DCAF8L2: variants seen among roughly 807,000 people sequenced by gnomAD.
DCAF8L2 encodes the protein DDB1 and CUL4 associated factor 8 like 2.
For synonymous variants in DCAF8L2, 200 were observed against 190.9 expected, an observed-to-expected ratio of 1.05 and a Z score of -0.39; for missense variants, 430 against 490.7, an observed-to-expected ratio of 0.88 and a Z score of 1.17.
chrX:27,712,027 A>G (rs1428797173), intron 3 of DCAF8L2, among the ~76,000 whole-genome samples: 1 of 111,468 alleles, frequency 9.0e-6, no homozygotes, highest in African/African-American at 3.3e-5. Context: ...TAATAGATAT[A>G]GGATCTGCAG....
the DCAF8L2 span, among the ~76,000 whole-genome samples, chrX:27,532,450 C>A: frequency 9.0e-6 from 1 of 111,447 alleles, no homozygotes; most frequent in African/African-American, 3.3e-5. Context: ...GAAAAATAAC[C>A]CATGAGTCCT....
At chrX:27,488,202 G>A in the DCAF8L2 span, among the ~76,000 whole-genome samples, 1 of 110,757 alleles carries the variant, frequency 9.0e-6, no homozygotes, top group Non-Finnish European at 1.9e-5. Flanking sequence ...TGTATTATCT[G>A]GTATCTCCAT....
chrX:27,579,423 G>A, the DCAF8L2 span, among the ~76,000 whole-genome samples: 16 of 110,036 alleles, frequency 1.5e-4, no homozygotes, highest in Admixed American at 1.4e-3. Flanking sequence ...TAGGGGGAGG[G>A]AGAGTATCAG....
At chrX:27,681,975 G>A (rs901893162) in intron 3 of DCAF8L2, among the ~76,000 whole-genome samples, 2 of 111,182 alleles carry the variant, frequency 1.8e-5, no homozygotes, top group African/African-American at 3.3e-5. Flanking sequence ...TTTTGTTGTT[G>A]TTTTTTGAGA....
At chrX:27,616,371 TAAAA>T (rs1778038169) in intron 1 of DCAF8L2, among the ~76,000 whole-genome samples, 1 of 110,800 alleles carries the variant, frequency 9.0e-6, no homozygotes, top group South Asian at 3.8e-4. Flanking sequence ...GTTATTATAA[TAAAA>T]AAATCAATTA....
chrX:27,597,895 G>T (rs1926431578), intron 1 of DCAF8L2, among the ~76,000 whole-genome samples: 1 of 112,376 alleles, frequency 8.9e-6, no homozygotes, highest in Non-Finnish European at 1.9e-5. Context: ...TCAGAAAGTA[G>T]TATTCTCTCC....
chrX:27,478,054 T>G, the DCAF8L2 span, among the ~76,000 whole-genome samples: 6 of 111,421 alleles, frequency 5.4e-5, no homozygotes, highest in African/African-American at 2.0e-4. Flanking sequence ...TGCTGTGTCA[T>G]TCTGTTATTT....
intron 3 of DCAF8L2, among the ~76,000 whole-genome samples, chrX:27,681,995 G>A (rs1189061005): frequency 9.0e-6 from 1 of 111,325 alleles, no homozygotes; most frequent in Admixed American, 9.6e-5. Context: ...ACAAGGTCTC[G>A]CTCTGTCACC....
chrX:27,660,734 G>A (rs1403081039), intron 2 of DCAF8L2, among the ~76,000 whole-genome samples: 1 of 111,912 alleles, frequency 8.9e-6, no homozygotes, highest in Non-Finnish European at 1.9e-5. Flanking sequence ...CTGCTGGACT[G>A]GGCCGGGTCA....
intron 1 of DCAF8L2, among the ~76,000 whole-genome samples, chrX:27,608,998 A>C (rs1440948323): frequency 9.0e-6 from 1 of 111,176 alleles, no homozygotes; most frequent in Non-Finnish European, 1.9e-5. Flanking sequence ...CTTAGCTGAC[A>C]TCCCAAAAGT....
chrX:27,746,764 A>G lies in DCAF8L2; in HGVS notation c.-58-74A>G, dbSNP rs780547381. 10 of 559,832 alleles carry G rather than the reference A, an allele frequency of 1.8e-5. No homozygotes were observed. The Admixed American group carries it at 4.0e-4, about 22-fold the overall frequency. The allele number at this position is 559,832 out of a possible 1,213,427, so 46.1% of individuals were successfully genotyped here. The stretch of plus-strand genomic sequence containing the variant: ...TATTTAGTCTCCTTTAGCCAATCAG[A>G]TTGCTGTTTGATTGCCACGCGCTTA... On this transcript the variant is annotated intron_variant, in intron 4 of 4. Transcript: ENST00000451261.
At chrX:27,513,834 T>G in the DCAF8L2 span, among the ~76,000 whole-genome samples, 1 of 111,709 alleles carries the variant, frequency 9.0e-6, no homozygotes, top group Non-Finnish European at 1.9e-5. Context: ...CAAAACCACA[T>G]TGATATATTA....
chrX:27,516,373 C>A, the DCAF8L2 span, among the ~76,000 whole-genome samples: 14 of 109,714 alleles, frequency 1.3e-4, no homozygotes, highest in African/African-American at 4.6e-4. Context: ...GATCTAGAAA[C>A]CAAATATACT....
intron 3 of DCAF8L2, among the ~76,000 whole-genome samples, chrX:27,696,268 G>GAGAGAGAAAGAAAGAAAGAA (rs1199823523): frequency 2.7e-5 from 2 of 74,849 alleles, no homozygotes; most frequent in Non-Finnish European, 5.0e-5. Context: ...AAGAGAGAGA[G>GAGAGAGAAAGAAAGAAAGAA]AGAAAGAAAG....
At chrX:27,529,054 C>G in the DCAF8L2 span, among the ~76,000 whole-genome samples, 250 of 111,928 alleles carry the variant, frequency 2.2e-3, 1 homozygote, top group African/African-American at 7.8e-3. Flanking sequence ...GCCTCATTAT[C>G]TTTCTCTTGC....
intron 1 of DCAF8L2, among the ~76,000 whole-genome samples, chrX:27,625,336 T>G (rs1927959630): frequency 9.0e-6 from 1 of 111,275 alleles, no homozygotes. Context: ...TACTAAAAAG[T>G]CAAAAAATAA....
chrX:27,568,946 AACACACACACACACACACACACACAC>A, the DCAF8L2 span, among the ~76,000 whole-genome samples: 6 of 86,563 alleles, frequency 6.9e-5, no homozygotes, highest in African/African-American at 1.8e-4. Flanking sequence ...TTGGAACTCA[AACACACACACACACACACACACACAC>A]ACACACACAC....
intron 2 of DCAF8L2, among the ~76,000 whole-genome samples, chrX:27,634,983 C>CACACACACACACACAT (rs752185455): frequency 1.4e-4 from 14 of 99,190 alleles, no homozygotes; most frequent in African/African-American, 5.1e-4. Flanking sequence ...CACACACACA[C>CACACACACACACACAT]ATATATAGAG....
intron 2 of DCAF8L2, among the ~76,000 whole-genome samples, chrX:27,662,207 C>T (rs931051819): frequency 9.0e-6 from 1 of 110,785 alleles, no homozygotes; most frequent in East Asian, 2.8e-4. Flanking sequence ...TAAAGATTTG[C>T]GTCTGTGCAG....
Sources: gnomAD v4.1 joint callset for allele counts (sites outside exome capture counted in the v4.1 genomes callset) on GRCh38, gnomAD v4.1.1 for gene constraint, MANE v1.5 for transcripts, NCBI Gene and HGNC (gene_info 2026-07-23, HGNC 2026-07-21) for gene names.